NFASC: variants seen among roughly 807,000 people sequenced by gnomAD.
NFASC encodes neurofascin homolog.
In NFASC, 43 loss-of-function variants were observed where a neutral mutation model predicts 147.5. The observed-to-expected ratio is 0.29, with a 90% CI of 0.23 to 0.38. The LOEUF is 0.38. NFASC is among the 10% of genes least tolerant of loss of function. NFASC has a pLI of 1.00. For missense variants in NFASC, 1,320 were observed against 1,689.0 expected (o/e 0.78, Z 3.83); for synonymous variants, 622 against 665.5 (o/e 0.93, Z 1.01).
At position 204,968,667 on chromosome 1, in the gene NFASC, C is replaced by A; in HGVS notation, c.819-131C>A. ...GCATCCTCCTCTGCACAGGAAAGAT[C>A]AGCTTTTAGAGGACATGCATCCTCC... On this transcript the variant is annotated intron_variant, in intron 9 of 29. Coordinates refer to ENST00000339876, the MANE Select transcript of NFASC (RefSeq NM_001005388.3). This position sits in a 1 kb window ranked among gnomAD's most constrained non-coding sequence, Gnocchi z 5.4. 1 of 780,770 alleles carries A rather than the reference C, an allele frequency of 1.3e-6. No individual in the cohort carries two copies. Among genetic ancestry groups the A allele is most frequent in the Non-Finnish European group, 2.0e-6 (1 of 494,908 alleles). 48.4% of individuals were successfully genotyped at this position (780,770 alleles called of 1,614,324 possible).
chr1:204,830,809 C>T (rs898586900), intron 1 of NFASC, among the ~76,000 whole-genome samples: 1 of 152,182 alleles, frequency 6.6e-6, no homozygotes, highest in Non-Finnish European at 1.5e-5. Flanking sequence ...TAAATTGAGG[C>T]GTTAAGAGCG....
chr1:204,935,837 C>T (rs1035316542), intron 2 of NFASC, among the ~76,000 whole-genome samples: 1 of 152,194 alleles, frequency 6.6e-6, no homozygotes, highest in Non-Finnish European at 1.5e-5. Flanking sequence ...CCCCGTGCAT[C>T]ATGGCCACTG....
At chr1:204,983,967 G>A (rs2095557478) in intron 21 of NFASC, 3 of 1,220,382 alleles carry the variant, frequency 2.5e-6, no homozygotes, top group Admixed American at 1.8e-5. Flanking sequence ...CAGAGAACAA[G>A]TCAGAAGCAA....
chr1:204,929,122 C>T (rs1205483089), intron 2 of NFASC, among the ~76,000 whole-genome samples: 5 of 152,064 alleles, frequency 3.3e-5, no homozygotes, highest in Admixed American at 2.6e-4. Flanking sequence ...ACCCCATCCC[C>T]AGGAGGGAAT....
chr1:204,832,656 C>T (rs1199036155), intron 1 of NFASC, among the ~76,000 whole-genome samples: 1 of 152,172 alleles, frequency 6.6e-6, no homozygotes, highest in East Asian at 1.9e-4. Context: ...CATTTTTGTT[C>T]ATTTCATCAA....
rs1491287000 is a variant in NFASC at position 204,939,036 on chromosome 1, GGA to G, written c.-90-5189_-90-5188del. Among the ~76,000 whole-genome samples the G allele has an allele frequency of 5.7e-3, 712 of 124,408 alleles. 11 individuals are homozygous for G. The highest frequency in any genetic ancestry group is 0.013 in the South Asian group (44 of 3,476). The allele number at this position is 124,408 out of a possible 152,430, so 81.6% of individuals were successfully genotyped here. On this transcript the variant is annotated intron_variant, in intron 2 of 29. Coordinates refer to ENST00000339876, the MANE Select transcript of NFASC (RefSeq NM_001005388.3). ...TATTCTCTTTTCTTCCTGTATGGAT[GGA>G]TGTGTGTGTGTGTGTGTGTGTGTGT...
intron 1 of NFASC, among the ~76,000 whole-genome samples, chr1:204,918,832 A>T (rs186076975): frequency 6.6e-6 from 1 of 151,970 alleles, no homozygotes; most frequent in Non-Finnish European, 1.5e-5. Context: ...GTGATCTGCC[A>T]ACCTTGGCCT....
In NFASC at chr1:204,828,660, G is replaced by C. The variant is rs1168477988; in HGVS notation, c.-322G>C. ...GCCGGCCGCCCGGGGACGCGCACGG[G>C]CTGGTCTCTGCCCTAATGCGGCGGC... On this transcript the variant is annotated 5_prime_UTR_variant, in exon 1 of 30. Coordinates refer to ENST00000339876, the MANE Select transcript of NFASC (RefSeq NM_001005388.3). 3 of 985,132 alleles carry C rather than the reference G, an allele frequency of 3.0e-6. No individual in the cohort carries two copies. Among genetic ancestry groups the C allele is most frequent in the Non-Finnish European group, 2.4e-6 (2 of 829,888 alleles). 61.0% of individuals were successfully genotyped at this position (985,132 alleles called of 1,614,324 possible). A position where few individuals can be genotyped will look rare whatever the true frequency, so the allele number is the denominator to read the frequency against.
At chr1:205,005,451 C>T (rs148843685) in intron 27 of NFASC, among the ~76,000 whole-genome samples, 1 of 152,122 alleles carries the variant, frequency 6.6e-6, no homozygotes, top group Non-Finnish European at 1.5e-5. Context: ...GTGTAAGAGG[C>T]GTGGGGGCCG....
intron 2 of NFASC, among the ~76,000 whole-genome samples, chr1:204,927,228 A>G (rs2091793906): frequency 6.6e-6 from 1 of 151,468 alleles, no homozygotes; most frequent in South Asian, 2.1e-4. Flanking sequence ...ATTGTTAGTC[A>G]CTCCTCTTCC....
rs368489529 is a variant in NFASC at position 204,968,300 on chromosome 1, C to G, written c.758C>G (p.Ala253Gly). Reference sequence around the variant, plus strand: ...AGCTTCATGTATCCCCAGGGCACCGCGAGCAGCCAGATGGTGCTTCGTGGC... The same window carrying G: ...AGCTTCATGTATCCCCAGGGCACCGGGAGCAGCCAGATGGTGCTTCGTGGC... ...TPSFMYPQGTASSQMVLRGMD... is the reference protein window; with the variant it reads ...TPSFMYPQGTGSSQMVLRGMD... The change falls in exon 9 of 30, where the codon GCG becomes GGG. Residue 253 changes from alanine to glycine, a missense_variant. Ala to Gly is a moderately conservative substitution (Grantham distance 60, BLOSUM62 0). Coordinates refer to ENST00000339876, the MANE Select transcript of NFASC (RefSeq NM_001005388.3). The surrounding 1 kb of genome is among the most constrained non-coding windows in gnomAD (Gnocchi z 5.4). The G allele has an allele frequency of 6.2e-7, 1 of 1,614,174 alleles. No homozygotes were observed. Among genetic ancestry groups the G allele is most frequent in the Non-Finnish European group, 8.5e-7 (1 of 1,180,012 alleles).
At chr1:204,902,136 GT>G (rs1376158401) in intron 1 of NFASC, among the ~76,000 whole-genome samples, 8 of 152,076 alleles carry the variant, frequency 5.3e-5, no homozygotes, top group African/African-American at 1.9e-4. Context: ...TCTACAACAA[GT>G]TTTAAAAATT....
At chr1:205,001,890 C>A (rs546481793) in intron 26 of NFASC, among the ~76,000 whole-genome samples, 7 of 152,340 alleles carry the variant, frequency 4.6e-5, no homozygotes, top group Admixed American at 2.0e-4. Context: ...CTGGCATCTT[C>A]AGTATGTGCT....
chr1:204,920,959 C>T (rs575369533), intron 2 of NFASC, among the ~76,000 whole-genome samples: 9 of 152,260 alleles, frequency 5.9e-5, no homozygotes, highest in Admixed American at 2.0e-4. Context: ...GTGAGGGTAG[C>T]GTTTAAGCCT....
intron 23 of NFASC, chr1:204,989,618 G>C (rs963663910): frequency 3.3e-5 from 5 of 152,234 alleles, no homozygotes; most frequent in African/African-American, 1.2e-4. Flanking sequence ...GGACCCCCGT[G>C]TGTCTCCAGA....
chr1:204,953,817 G>A (rs1311770170), intron 5 of NFASC, among the ~76,000 whole-genome samples: 1 of 152,154 alleles, frequency 6.6e-6, no homozygotes, highest in East Asian at 1.9e-4. Flanking sequence ...TCCTGGGGTG[G>A]AAGAAGCCAC....
In NFASC at chr1:204,877,071, T is replaced by TA. The variant is rs1394134074; in HGVS notation, c.-199-43560dup. On this transcript the variant is annotated intron_variant, in intron 1 of 29. Coordinates refer to ENST00000339876, the MANE Select transcript of NFASC (RefSeq NM_001005388.3). ...TATAATATATTTATTTATATATTTA[T>TA]ATATATATAATATATTTATTTATAT... Among the ~76,000 whole-genome samples the TA allele has an allele frequency of 5.4e-5, 6 of 111,418 alleles. 1 individual carries two copies. Among genetic ancestry groups the TA allele is most frequent in the East Asian group, 8.3e-4 (2 of 2,420 alleles). 73.1% of individuals were successfully genotyped at this position (111,418 alleles called of 152,430 possible).
At chr1:204,943,578 C>CA (rs1195152101) in intron 2 of NFASC, among the ~76,000 whole-genome samples, 6 of 152,204 alleles carry the variant, frequency 3.9e-5, no homozygotes, top group South Asian at 2.1e-4. Context: ...CATTTTTCTA[C>CA]AAAAATGACA....
At chr1:204,974,378 A>T in intron 13 of NFASC, 88 bp downstream of exon 13, 1 of 1,023,932 alleles carries the variant, frequency 9.8e-7, no homozygotes, top group Admixed American at 2.0e-5. Flanking sequence ...GTGTTCAGCA[A>T]GACCTGGGAA....
Sources: allele counts gnomAD v4.1 joint callset (sites outside exome capture counted in the v4.1 genomes callset), GRCh38; gene constraint gnomAD v4.1.1; non-coding constraint Gnocchi (gnomAD v3.1); transcripts MANE v1.5; gene names NCBI Gene and HGNC (gene_info 2026-07-23, HGNC 2026-07-21).